SYT2: variants seen among roughly 807,000 people sequenced by gnomAD.
The protein encoded by SYT2 is synaptotagmin-2.
In SYT2, 15 loss-of-function variants were observed where a neutral mutation model predicts 39.9. The observed-to-expected ratio is 0.38, with a 90% CI of 0.25 to 0.58. The LOEUF is 0.58. Ranked by LOEUF, SYT2 falls within the 20% of genes least tolerant of loss-of-function variation. The pLI, the probability that SYT2 is intolerant of heterozygous loss-of-function variation, is 0.70. For missense variants in SYT2, 389 were observed against 530.3 expected, an observed-to-expected ratio of 0.73 and a Z score of 2.62; for synonymous variants, 181 against 204.5, an observed-to-expected ratio of 0.89 and a Z score of 0.98.
chr1:202,641,278 A>T (rs1009980208), intron 1 of SYT2, among the ~76,000 whole-genome samples: 25 of 152,188 alleles, frequency 1.6e-4, no homozygotes, highest in African/African-American at 6.0e-4. Flanking sequence ...AGGGCAATGC[A>T]TTGGGAATTC....
intron 1 of SYT2, among the ~76,000 whole-genome samples, chr1:202,666,636 A>T (rs1349423958): frequency 6.6e-6 from 1 of 152,192 alleles, no homozygotes; most frequent in Non-Finnish European, 1.5e-5. Flanking sequence ...TGTGCTTACC[A>T]TGGTGAGTCA....
At chr1:202,675,008 C>T (rs888693307) in intron 1 of SYT2, among the ~76,000 whole-genome samples, 1 of 152,140 alleles carries the variant, frequency 6.6e-6, no homozygotes, top group African/African-American at 2.4e-5. Context: ...TCCATGCCTC[C>T]CAAGAAAATG....
intron 1 of SYT2, among the ~76,000 whole-genome samples, chr1:202,610,370 T>C (rs1690853570): frequency 6.6e-6 from 1 of 152,180 alleles, no homozygotes; most frequent in South Asian, 2.1e-4. Flanking sequence ...AATATCATAC[T>C]GAATGGGCAA....
intron 1 of SYT2, among the ~76,000 whole-genome samples, chr1:202,624,674 GTGT>G (rs1265106030): frequency 2.7e-5 from 4 of 148,454 alleles, no homozygotes; most frequent in Admixed American, 2.0e-4. Context: ...TGTGTGTGTG[GTGT>G]TTAGTAGTGT....
In SYT2 at chr1:202,628,783, C is replaced by T. The variant is rs1000877002; in HGVS notation, c.-17-22994G>A. On this transcript the variant is annotated intron_variant, in intron 1 of 8. Transcript: ENST00000367268. The surrounding 1 kb of genome is among the most constrained non-coding windows in gnomAD (Gnocchi z 4.2). Reference sequence around the variant, plus strand: ...TGGATCCAAACCTAGAAGACAGCTCCGCTGAGGAAGAGGAGCCAAGTGAAA... The same window carrying T: ...TGGATCCAAACCTAGAAGACAGCTCTGCTGAGGAAGAGGAGCCAAGTGAAA... Among the ~76,000 whole-genome samples the T allele has an allele frequency of 5.9e-5, 9 of 152,214 alleles. No homozygotes were observed. The highest frequency in any genetic ancestry group is 1.9e-4 in the East Asian group (1 of 5,192).
chr1:202,607,921 CAT>C (rs767255177), intron 1 of SYT2, among the ~76,000 whole-genome samples: 1 of 152,134 alleles, frequency 6.6e-6, no homozygotes, highest in East Asian at 1.9e-4. Flanking sequence ...ATGTAATTCA[CAT>C]ATGTCACCCT....
At chr1:202,668,374 A>C (rs1248075156) in intron 1 of SYT2, among the ~76,000 whole-genome samples, 1 of 152,228 alleles carries the variant, frequency 6.6e-6, no homozygotes, top group Non-Finnish European at 1.5e-5. Context: ...AGTGCTTTAT[A>C]AAGTTGATAG....
At position 202,646,253 on chromosome 1, in the gene SYT2, C is replaced by T. The variant is rs536983943; in HGVS notation, c.-17-40464G>A. Among the ~76,000 whole-genome samples, 475 of 152,364 alleles carry T rather than the reference C, an allele frequency of 3.1e-3. 9 individuals carry two copies. The South Asian group carries it at 0.041, about 13-fold the overall frequency. On this transcript the variant is annotated intron_variant, in intron 1 of 8. Coordinates refer to ENST00000367268, the MANE Select transcript of SYT2 (RefSeq NM_177402.5). ...TCACCTGGCACTGCCCACTCCCTCA[C>T]TGTCTCCTTGCAGGGCCCAAAGGGC... is the stretch of plus-strand genomic sequence containing the variant.
intron 1 of SYT2, among the ~76,000 whole-genome samples, chr1:202,617,822 C>T (rs528743836): frequency 5.3e-5 from 8 of 152,320 alleles, no homozygotes; most frequent in South Asian, 2.1e-4. Flanking sequence ...CATTGGCCAA[C>T]GGCAGTCCAG....
chr1:202,637,068 C>A (rs1487942640), intron 1 of SYT2, among the ~76,000 whole-genome samples: 8 of 152,136 alleles, frequency 5.3e-5, no homozygotes, highest in Non-Finnish European at 2.9e-5. Context: ...GCCTGTAATC[C>A]CAGCACTTTT....
At position 202,602,551 on chromosome 1, in the gene SYT2, G is replaced by A; in HGVS notation, c.466-6C>T. The A allele has an allele frequency of 6.2e-7, 1 of 1,609,594 alleles. No individual in the cohort carries two copies. The highest frequency in any genetic ancestry group is 8.5e-7 in the Non-Finnish European group (1 of 1,178,036). ...TGCAGAACGCCCACAGTAAGCTGTG[G>A]AGAGAGATGGGGAGAAGGGGCCTGA... On this transcript the variant is annotated splice_polypyrimidine_tract_variant and splice_region_variant and intron_variant, in intron 4 of 8. Transcript: ENST00000367268.
chr1:202,619,504 G>T (rs1251875378), intron 1 of SYT2, among the ~76,000 whole-genome samples: 2 of 152,198 alleles, frequency 1.3e-5, no homozygotes, highest in African/African-American at 4.8e-5. Context: ...TCTCAGGCTT[G>T]GCCTGCATCA....
At chr1:202,656,619 C>G (rs1305797543) in intron 1 of SYT2, among the ~76,000 whole-genome samples, 1 of 152,214 alleles carries the variant, frequency 6.6e-6, no homozygotes, top group Non-Finnish European at 1.5e-5. Flanking sequence ...TGGTGCGAAG[C>G]TTAGATGAGC....
At chr1:202,639,806 AAG>A in intron 1 of SYT2, 1 of 985,472 alleles carries the variant, frequency 1.0e-6, no homozygotes, top group Non-Finnish European at 1.2e-6. Context: ...AGTGCGCAGC[AAG>A]AGGAGGACAC....
chr1:202,607,464 C>T (rs977250519), intron 1 of SYT2, among the ~76,000 whole-genome samples: 15 of 152,234 alleles, frequency 9.9e-5, no homozygotes, highest in Admixed American at 7.9e-4. Context: ...ACTTTTCTCA[C>T]TGCACGTTAG....
At chr1:202,668,814 A>C (rs553701381) in intron 1 of SYT2, among the ~76,000 whole-genome samples, 29 of 152,296 alleles carry the variant, frequency 1.9e-4, no homozygotes, top group African/African-American at 6.7e-4. Flanking sequence ...GCATCTCCTC[A>C]AAGACAGGGT....
intron 1 of SYT2, among the ~76,000 whole-genome samples, chr1:202,638,967 A>G (rs1022485683): frequency 9.9e-5 from 15 of 152,226 alleles, no homozygotes; most frequent in Non-Finnish European, 1.5e-4. Flanking sequence ...GAGAAAGAAA[A>G]GCGTGGTCTT....
At chr1:202,650,925 G>A (rs550317528) in intron 1 of SYT2, among the ~76,000 whole-genome samples, 18 of 152,248 alleles carry the variant, frequency 1.2e-4, no homozygotes, top group African/African-American at 4.3e-4. Flanking sequence ...GTGCTCCAGC[G>A]TGGAAGAAGG....
At chr1:202,598,667 C>G (rs911476786) in intron 8 of SYT2, among the ~76,000 whole-genome samples, 1 of 152,210 alleles carries the variant, frequency 6.6e-6, no homozygotes, top group Admixed American at 6.5e-5. Flanking sequence ...CTACCACGTC[C>G]AGATCCCACT....
Sources: gnomAD v4.1 joint callset for allele counts (sites outside exome capture counted in the v4.1 genomes callset) on GRCh38, gnomAD v4.1.1 for gene constraint, Gnocchi (gnomAD v3.1) non-coding constraint, MANE v1.5 for transcripts, NCBI Gene and HGNC (gene_info 2026-07-23, HGNC 2026-07-21) for gene names.